The following FMN2 variants were observed in gnomAD, a reference collection of about 807,000 sequenced individuals.
FMN2 encodes formin 2, also known as formin-2.
Under a neutral mutation model 142.3 loss-of-function variants are expected in FMN2, and 51 were observed. The ratio of observed to expected loss-of-function variants is 0.36; its 90% CI spans 0.29 to 0.45. The LOEUF is 0.45. Ranked by LOEUF, FMN2 falls within the 20% of genes least tolerant of loss-of-function variation. The pLI is 1.00. For synonymous variants in FMN2, 882 were observed against 869.8 expected, an observed-to-expected ratio of 1.01 and a Z score of -0.25; for missense variants, 1,936 against 2,122.8, an observed-to-expected ratio of 0.91 and a Z score of 1.73.
intron 14 of FMN2, among the ~76,000 whole-genome samples, chr1:240,374,575 T>C (rs1338800195): frequency 6.6e-6 from 1 of 152,224 alleles, no homozygotes; most frequent in Non-Finnish European, 1.5e-5. Flanking sequence ...TGACCTCTAT[T>C]GGCTTCAAAC....
At chr1:240,319,485 C>T (rs1472278708) in intron 8 of FMN2, among the ~76,000 whole-genome samples, 1 of 152,180 alleles carries the variant, frequency 6.6e-6, no homozygotes, top group Non-Finnish European at 1.5e-5. Flanking sequence ...TTAAACAAAA[C>T]TAGTATTTCC....
intron 8 of FMN2, among the ~76,000 whole-genome samples, chr1:240,321,976 C>T (rs73124124): frequency 0.011 from 1,672 of 152,188 alleles, 31 homozygotes; most frequent in African/African-American, 0.037. Context: ...CCCAGTAAAC[C>T]CATTATAAGT....
intron 2 of FMN2, chr1:240,144,093 A>G (rs1034132133): frequency 2.1e-5 from 23 of 1,117,744 alleles, no homozygotes; most frequent in African/African-American, 6.1e-5. Flanking sequence ...TTACTTCTCA[A>G]TCTGAATGAG....
chr1:240,340,911 C>T (rs1671720962), intron 13 of FMN2, among the ~76,000 whole-genome samples: 1 of 152,176 alleles, frequency 6.6e-6, no homozygotes, highest in Non-Finnish European at 1.5e-5. Context: ...TTCTCAGCCA[C>T]TGTCTGCCCA....
intron 8 of FMN2, among the ~76,000 whole-genome samples, chr1:240,302,732 C>A (rs542563621): frequency 6.6e-6 from 1 of 152,152 alleles, no homozygotes; most frequent in South Asian, 2.1e-4. Flanking sequence ...AGTTTTCCAA[C>A]CATCAGACAC....
chr1:240,256,683 G>A (rs1031474417), intron 6 of FMN2, among the ~76,000 whole-genome samples: 2 of 152,000 alleles, frequency 1.3e-5, no homozygotes, highest in East Asian at 1.9e-4. Context: ...CTCAGGAGGC[G>A]GAGGCTGCAG....
intron 1 of FMN2, among the ~76,000 whole-genome samples, chr1:240,118,670 G>A (rs964693902): frequency 6.6e-6 from 1 of 152,138 alleles, no homozygotes; most frequent in Non-Finnish European, 1.5e-5. Context: ...AGATGGGAAT[G>A]GGTGGCTGTT....
chr1:240,122,075 A>ATTTATTT lies in FMN2; in HGVS notation c.1616-1104_1616-1103insTTTATTT, dbSNP rs1553327489. Among the ~76,000 whole-genome samples the ATTTATTT allele has an allele frequency of 1.8e-3, 271 of 146,688 alleles. 3 individuals carry two copies. The highest frequency in any genetic ancestry group is 6.2e-3 in the African/African-American group (250 of 40,306). ...CTTTTGGATCCAAAATTAATTAATT[A>ATTTATTT]ATTTATTTATTTATTTATGAATTAT... On this transcript the variant is annotated intron_variant, in intron 1 of 17. Coordinates refer to ENST00000319653, the MANE Select transcript of FMN2 (RefSeq NM_020066.5).
intron 2 of FMN2, chr1:240,145,510 A>G (rs933180310): frequency 6.5e-5 from 14 of 215,278 alleles, no homozygotes; most frequent in African/African-American, 3.5e-4. Context: ...CAATGAGGCA[A>G]TTTTTCTTTT....
intron 14 of FMN2, among the ~76,000 whole-genome samples, chr1:240,367,767 CAAAAAA>C (rs60368715): frequency 3.7e-5 from 2 of 54,044 alleles, no homozygotes; most frequent in African/African-American, 9.8e-5. Context: ...GACTCAGTCT[CAAAAAA>C]AAAAAAAAAA....
rs559907431 is a variant in FMN2 at position 240,299,230 on chromosome 1, G to C, written c.4215+4347G>C. ...TACAAAGTGCTGGGATTACAGGCGT[G>C]AGCCACCACACATGGCCTGAGTTTT... is the stretch of plus-strand genomic sequence containing the variant. On this transcript the variant is annotated intron_variant, in intron 8 of 17. Transcript: ENST00000319653. 5.9e-5 allele frequency among the ~76,000 whole-genome samples: 9 copies of C among 152,226 alleles called. No homozygotes were observed. In the South Asian group the frequency reaches 1.5e-3, roughly 25 times the overall value.
At chr1:240,136,171 C>A (rs568032908) in intron 2 of FMN2, among the ~76,000 whole-genome samples, 1 of 151,752 alleles carries the variant, frequency 6.6e-6, no homozygotes, top group Non-Finnish European at 1.5e-5. Flanking sequence ...TTTTCTGATC[C>A]GGTACGTGAT....
chr1:240,135,996 A>G (rs1371196364), intron 2 of FMN2, among the ~76,000 whole-genome samples: 1 of 149,930 alleles, frequency 6.7e-6, no homozygotes, highest in Admixed American at 6.6e-5. Flanking sequence ...TTTTTTTTTA[A>G]TCAATTTATA....
intron 1 of FMN2, among the ~76,000 whole-genome samples, chr1:240,097,732 T>C (rs1176690597): frequency 1.3e-5 from 2 of 152,208 alleles, no homozygotes; most frequent in Admixed American, 1.3e-4. Flanking sequence ...TGCAATTGGC[T>C]TACAATTCCT....
At chr1:240,206,667 T>G (rs1043572251) in intron 4 of FMN2, 132 bp from the exon 5 acceptor site, 1 of 1,125,782 alleles carries the variant, frequency 8.9e-7, no homozygotes, top group Non-Finnish European at 1.2e-6. Flanking sequence ...CATAGAAATA[T>G]TAATACCATC....
At chr1:240,236,547 C>T (rs965297978) in intron 6 of FMN2, among the ~76,000 whole-genome samples, 2 of 152,194 alleles carry the variant, frequency 1.3e-5, no homozygotes, top group South Asian at 4.1e-4. Flanking sequence ...AGCAAGGCAC[C>T]CACATCTGCT....
chr1:240,151,299 C>G (rs894041769), intron 2 of FMN2, among the ~76,000 whole-genome samples: 2 of 152,182 alleles, frequency 1.3e-5, no homozygotes, highest in South Asian at 2.1e-4. Context: ...TCACCCTAGT[C>G]TATAAGTAGC....
chr1:240,351,123 A>G (rs1672084637), intron 13 of FMN2, among the ~76,000 whole-genome samples: 1 of 152,200 alleles, frequency 6.6e-6, no homozygotes, highest in South Asian at 2.1e-4. Context: ...CTCATTAAAT[A>G]CCTGAACTAT....
chr1:240,208,846 T>C, intron 5 of FMN2, 114 bp downstream of exon 5: 1 of 1,364,514 alleles, frequency 7.3e-7, no homozygotes, highest in Non-Finnish European at 9.9e-7. Context: ...ACTCTAAAAC[T>C]CGTCTAGATT....
Sources: allele counts gnomAD v4.1 joint callset (sites outside exome capture counted in the v4.1 genomes callset), GRCh38; gene constraint gnomAD v4.1.1; transcripts MANE v1.5; gene names NCBI Gene and HGNC (gene_info 2026-07-23, HGNC 2026-07-21).